Variants in NAV2 observed in about 807,000 individuals in gnomAD.
The protein encoded by NAV2 is helicase, APC down-regulated 1.
In NAV2, 54 loss-of-function variants were observed where a neutral mutation model predicts 223.2. That is an observed-to-expected ratio of 0.24 (90% confidence interval 0.19 to 0.30). NAV2 has a LOEUF of 0.30. Among genes scored for constraint, NAV2 ranks in the 10% least tolerant of loss-of-function variants. NAV2 has a pLI of 1.00. For missense variants in NAV2, 2,806 were observed against 3,147.5 expected, an observed-to-expected ratio of 0.89 and a Z score of 2.60; for synonymous variants, 1,279 against 1,239.3, an observed-to-expected ratio of 1.03 and a Z score of -0.67.
intron 1 of NAV2, among the ~76,000 whole-genome samples, chr11:19,650,929 A>G (rs2047952635): frequency 6.6e-6 from 1 of 152,248 alleles, no homozygotes; most frequent in African/African-American, 2.4e-5. Context: ...AGAAATGTAT[A>G]TATCTGAGTG....
At chr11:19,622,006 G>C (rs1341203192) in intron 1 of NAV2, among the ~76,000 whole-genome samples, 2 of 152,132 alleles carry the variant, frequency 1.3e-5, no homozygotes, top group African/African-American at 2.4e-5. Flanking sequence ...CCTTCATTTC[G>C]TTATGTACCC....
intron 3 of NAV2, among the ~76,000 whole-genome samples, chr11:19,852,228 T>A (rs1219327800): frequency 6.6e-6 from 1 of 152,236 alleles, no homozygotes; most frequent in African/African-American, 2.4e-5. Flanking sequence ...ACTAATACAC[T>A]CTGGGATTCA....
At chr11:19,393,786 T>C (rs2133237643) in intron 1 of NAV2, among the ~76,000 whole-genome samples, 1 of 152,290 alleles carries the variant, frequency 6.6e-6, no homozygotes, top group Non-Finnish European at 1.5e-5. Context: ...TGGTTATTTT[T>C]CTTTCCTAGT....
At chr11:19,668,499 C>T (rs945835959) in intron 1 of NAV2, among the ~76,000 whole-genome samples, 6 of 125,092 alleles carry the variant, frequency 4.8e-5, no homozygotes. Context: ...TGCCATTGCA[C>T]TCTAGCCTGG....
At position 19,879,954 on chromosome 11, in the gene NAV2, G is replaced by A. The variant is rs753489721; in HGVS notation, c.597G>A (p.Lys199=). ...AGCAGCAGCAGCAGCAGCCCCAGAAGCAGCACCTCTCCTCACCTCTGCCGC... is the reference window on the plus strand; with the variant it reads ...AGCAGCAGCAGCAGCAGCCCCAGAAACAGCACCTCTCCTCACCTCTGCCGC... The part of the protein sequence containing the change: ...RYKQQQQQPQ[K]QHLSSPLPPA... Residue 199 remains lysine (K), a synonymous_variant, in exon 5 of 38, where the codon AAG becomes AAA. Coordinates refer to ENST00000349880, the MANE Select transcript of NAV2 (RefSeq NM_145117.5). 6.2e-7 allele frequency: 1 copy of A among 1,613,510 alleles called. No individual in the cohort carries two copies. Among genetic ancestry groups the A allele is most frequent in the Non-Finnish European group, 8.5e-7 (1 of 1,179,992 alleles).
Position 20,083,002 on chromosome 11 carries a change from T to C in NAV2, c.5326-5T>C, listed in dbSNP as rs1364911826. 1 of 1,610,694 alleles carries C rather than the reference T, an allele frequency of 6.2e-7. No individual in the cohort carries two copies. Among genetic ancestry groups the C allele is most frequent in the South Asian group, 1.1e-5 (1 of 90,316 alleles). On this transcript the variant is annotated splice_region_variant and splice_polypyrimidine_tract_variant and intron_variant, in intron 25 of 37. Transcript: ENST00000349880. ...GCTGTGAGACTGACAGTCTTGTATA[T>C]TCAGTTACGCAGCTCCTTCAAGCAA...
intron 24 of NAV2, among the ~76,000 whole-genome samples, chr11:20,079,260 C>T (rs1432026094): frequency 6.6e-6 from 1 of 152,092 alleles, no homozygotes; most frequent in Non-Finnish European, 1.5e-5. Flanking sequence ...AGGCTGGTCT[C>T]GAACTTCTGA....
Position 19,875,849 on chromosome 11 carries a change from G to A in NAV2, c.512-4020G>A, listed in dbSNP as rs945953121. 5.1e-4 allele frequency among the ~76,000 whole-genome samples: 78 copies of A among 152,246 alleles called. No homozygotes were observed. In the Middle Eastern group the frequency reaches 0.01, roughly 20 times the overall value. On this transcript the variant is annotated intron_variant, in intron 4 of 37. Coordinates refer to ENST00000349880, the MANE Select transcript of NAV2 (RefSeq NM_145117.5). ...TTTTCCTTTCTGGACACCAGCGACTGTGGCACACAGGGGATGAGCAGAGAG... is the reference window on the plus strand; with the variant it reads ...TTTTCCTTTCTGGACACCAGCGACTATGGCACACAGGGGATGAGCAGAGAG...
chr11:20,089,217 G>A (rs988518617), intron 26 of NAV2, among the ~76,000 whole-genome samples: 3 of 152,128 alleles, frequency 2.0e-5, no homozygotes, highest in African/African-American at 7.2e-5. Context: ...TTTTCAATAA[G>A]ATTTTGAAGC....
chr11:19,410,178 A>G (rs913473987), intron 1 of NAV2, among the ~76,000 whole-genome samples: 6 of 152,146 alleles, frequency 3.9e-5, no homozygotes, highest in Non-Finnish European at 7.4e-5. Flanking sequence ...AGAGCTATAG[A>G]ACATGCAGAG....
At chr11:20,076,097 C>G (rs776748516) in intron 22 of NAV2, among the ~76,000 whole-genome samples, 9 of 152,132 alleles carry the variant, frequency 5.9e-5, no homozygotes, top group Non-Finnish European at 1.2e-4. Context: ...GGCCTTGTTT[C>G]ATTTAGCTGA....
intron 1 of NAV2, among the ~76,000 whole-genome samples, chr11:19,539,120 C>G (rs1385371194): frequency 6.6e-6 from 1 of 152,192 alleles, no homozygotes; most frequent in Admixed American, 6.5e-5. Flanking sequence ...CCCAGGCAGC[C>G]TTGCCTCTGC....
intron 17 of NAV2, among the ~76,000 whole-genome samples, chr11:20,052,842 A>G (rs1162598281): frequency 1.3e-5 from 2 of 152,168 alleles, no homozygotes. Flanking sequence ...CTTAAGCCCA[A>G]AGAATCCCCC....
intron 7 of NAV2, among the ~76,000 whole-genome samples, chr11:19,939,251 A>T (rs2625336): frequency 0.46 from 70,535 of 151,696 alleles, 16,861 homozygotes; most frequent in Non-Finnish European, 0.52. Flanking sequence ...GGGGTGGGGG[A>T]GCTGTTAATA....
chr11:19,750,319 A>G (rs1011302829), intron 1 of NAV2, among the ~76,000 whole-genome samples: 5 of 152,220 alleles, frequency 3.3e-5, no homozygotes, highest in Non-Finnish European at 5.9e-5. Flanking sequence ...CTGAAAATCT[A>G]TCAGTCCCAA....
intron 8 of NAV2, among the ~76,000 whole-genome samples, chr11:19,944,739 C>A (rs1322319289): frequency 3.8e-5 from 5 of 131,940 alleles, no homozygotes; most frequent in African/African-American, 1.6e-4. Context: ...CTTTCTGTCT[C>A]CCCTCCCTTC....
chr11:19,607,826 G>A (rs561344709), intron 1 of NAV2, among the ~76,000 whole-genome samples: 1 of 151,922 alleles, frequency 6.6e-6, no homozygotes, highest in South Asian at 2.1e-4. Context: ...ATGTCCTTTC[G>A]AAACATTTCA....
chr11:19,408,076 C>T (rs2133370326), intron 1 of NAV2, among the ~76,000 whole-genome samples: 1 of 152,252 alleles, frequency 6.6e-6, no homozygotes, highest in South Asian at 2.1e-4. Context: ...CCATCTGCCC[C>T]AATGCCACTG....
intron 1 of NAV2, among the ~76,000 whole-genome samples, chr11:19,825,578 T>G (rs2059607927): frequency 3.3e-5 from 5 of 152,244 alleles, no homozygotes. Context: ...CATTTATAGT[T>G]TGGTAGCTAA....
Sources: gnomAD v4.1 joint callset for allele counts (sites outside exome capture counted in the v4.1 genomes callset) on GRCh38, gnomAD v4.1.1 for gene constraint, MANE v1.5 for transcripts, NCBI Gene and HGNC (gene_info 2026-07-23, HGNC 2026-07-21) for gene names.